The following RHBDD1 variants were observed in gnomAD, a reference collection of about 807,000 sequenced individuals.
RHBDD1 encodes rhomboid-related protein 4.
RHBDD1 carries 38 observed loss-of-function variants against 36.3 expected under a neutral mutation model. The ratio of observed to expected loss-of-function variants is 1.05; its 90% CI spans 0.81 to 1.37. The LOEUF is 1.37. Ranked by LOEUF, RHBDD1 falls within the 40% of genes most tolerant of loss-of-function variation. RHBDD1 has a pLI of 0.00. For synonymous variants in RHBDD1, 151 were observed against 136.5 expected, an observed-to-expected ratio of 1.11 and a Z score of -0.74; for missense variants, 393 against 377.6, an observed-to-expected ratio of 1.04 and a Z score of -0.34.
chr2:226,912,898 G>A lies in RHBDD1; in HGVS notation c.713-1310G>A, dbSNP rs573836816. ...TAAAGCTGTTCTAAAAATATCAATA[G>A]ACACAACTACTTTTCATGACCAATA... On this transcript the variant is annotated intron_variant, in intron 7 of 8. Coordinates refer to ENST00000392062, the MANE Select transcript of RHBDD1 (RefSeq NM_001167608.3). Among the ~76,000 whole-genome samples the A allele has an allele frequency of 2.6e-5, 4 of 152,238 alleles. No homozygotes were observed. In the East Asian group the frequency reaches 7.7e-4, roughly 29 times the overall value.
intron 8 of RHBDD1, among the ~76,000 whole-genome samples, chr2:226,916,502 C>T (rs1948919694): frequency 6.6e-6 from 1 of 152,088 alleles, no homozygotes; most frequent in African/African-American, 2.4e-5. Context: ...AACTTCTCAG[C>T]GTGGACTTCA....
At chr2:226,831,204 T>C (rs995089550), upstream of RHBDD1, among the ~76,000 whole-genome samples, 1 of 152,206 alleles carries the variant, frequency 6.6e-6, no homozygotes, top group African/African-American at 2.4e-5. Context: ...CTTCCTTAAA[T>C]ATTTGATGGA....
intron 8 of RHBDD1, among the ~76,000 whole-genome samples, chr2:226,949,954 T>C (rs888539178): frequency 6.6e-6 from 1 of 152,216 alleles, no homozygotes; most frequent in Non-Finnish European, 1.5e-5. Flanking sequence ...TGATCAAAAT[T>C]GTATCTGTTT....
At chr2:226,935,862 G>C (rs1950297538) in intron 8 of RHBDD1, among the ~76,000 whole-genome samples, 1 of 152,102 alleles carries the variant, frequency 6.6e-6, no homozygotes, top group South Asian at 2.1e-4. Flanking sequence ...TGTATTAGAT[G>C]GTAGTACCTT....
chr2:226,825,656 C>T, the RHBDD1 span, among the ~76,000 whole-genome samples: 1 of 152,134 alleles, frequency 6.6e-6, no homozygotes. Context: ...TGCAAACATG[C>T]ACGAGTAAAA....
intron 8 of RHBDD1, among the ~76,000 whole-genome samples, chr2:226,918,094 C>T (rs977319902): frequency 2.6e-5 from 4 of 151,958 alleles, no homozygotes; most frequent in African/African-American, 9.7e-5. Context: ...AATCCAAAGA[C>T]TTATAAGTGA....
intron 5 of RHBDD1, 145 bp from the exon 6 acceptor site, chr2:226,906,648 T>C: frequency 1.3e-6 from 2 of 1,507,030 alleles, no homozygotes; most frequent in Non-Finnish European, 1.8e-6. Context: ...TTGGACTGAG[T>C]TAAATGCTGC....
rs1957522139 is a variant in RHBDD1 at position 226,988,625 on chromosome 2, C to T, written c.857-6806C>T. The T allele has an allele frequency of 5.2e-6, 7 of 1,344,082 alleles. No individual in the cohort carries two copies. In the Admixed American group the frequency reaches 1.8e-4, roughly 34 times the overall value. 83.3% of individuals were successfully genotyped at this position (1,344,082 alleles called of 1,614,324 possible). A position where few individuals can be genotyped will look rare whatever the true frequency, so the allele number is the denominator to read the frequency against. On this transcript the variant is annotated intron_variant, in intron 8 of 8. Coordinates refer to ENST00000392062, the MANE Select transcript of RHBDD1 (RefSeq NM_001167608.3). The stretch of plus-strand genomic sequence containing the variant: ...CTCCAGCTGCCCCTCCGAGCAGACA[C>T]ATTGGCCCTGGAGCTTCTGAGAGGA...
intron 3 of RHBDD1, among the ~76,000 whole-genome samples, chr2:226,854,906 G>GT (rs1402140284): frequency 5.3e-5 from 8 of 152,176 alleles, no homozygotes; most frequent in African/African-American, 1.9e-4. Flanking sequence ...GGGGAAGAGT[G>GT]TAAGGTGATA....
At chr2:226,844,221 T>C (rs983804109) in intron 3 of RHBDD1, among the ~76,000 whole-genome samples, 3 of 152,218 alleles carry the variant, frequency 2.0e-5, no homozygotes, top group Admixed American at 1.3e-4. Flanking sequence ...TTATTCCAAC[T>C]TTGGTCACTA....
At chr2:226,937,650 G>A (rs886875514) in intron 8 of RHBDD1, among the ~76,000 whole-genome samples, 1 of 151,974 alleles carries the variant, frequency 6.6e-6, no homozygotes. Context: ...GTGTCCATGC[G>A]TTCTCATCAT....
intron 8 of RHBDD1, among the ~76,000 whole-genome samples, chr2:226,930,209 G>A (rs771778467): frequency 5.3e-5 from 8 of 151,758 alleles, no homozygotes; most frequent in South Asian, 2.1e-4. Context: ...AAAGCAGTCC[G>A]AAGCAAAAAG....
Position 226,995,682 on chromosome 2 carries a change from T to C in RHBDD1, c.*160T>C. 1 of 621,544 alleles carries C rather than the reference T, an allele frequency of 1.6e-6. No individual in the cohort carries two copies. Among genetic ancestry groups the C allele is most frequent in the Non-Finnish European group, 2.9e-6 (1 of 345,088 alleles). The allele number at this position is 621,544 out of a possible 1,614,324, so 38.5% of individuals were successfully genotyped here. A position where few individuals can be genotyped will look rare whatever the true frequency, so the allele number is the denominator to read the frequency against. On this transcript the variant is annotated 3_prime_UTR_variant, in exon 9 of 9. Transcript: ENST00000392062. ...ACCTGGGACAGTCCCATGGCCCCTATGAGTCAACTCACAGCTTGCGGGGAG... is the reference window on the plus strand; with the variant it reads ...ACCTGGGACAGTCCCATGGCCCCTACGAGTCAACTCACAGCTTGCGGGGAG...
At chr2:226,815,870 C>T in the RHBDD1 span, among the ~76,000 whole-genome samples, 1 of 152,150 alleles carries the variant, frequency 6.6e-6, no homozygotes, top group Non-Finnish European at 1.5e-5. Flanking sequence ...TTTTCTCTCT[C>T]TATTATAACA....
At chr2:226,976,846 C>G (rs1355199570) in intron 8 of RHBDD1, among the ~76,000 whole-genome samples, 1 of 152,210 alleles carries the variant, frequency 6.6e-6, no homozygotes. Flanking sequence ...CAATACTGCT[C>G]TGATATTTTT....
In RHBDD1 at chr2:226,964,132, A is replaced by G. The variant is rs1307869280; in HGVS notation, c.857-31299A>G. ...TCTTGAGAGAGAGAGGAAGAGAGCA[A>G]GTGAGTATGCAGTAACACACAGCAG... On this transcript the variant is annotated intron_variant, in intron 8 of 8. Coordinates refer to ENST00000392062, the MANE Select transcript of RHBDD1 (RefSeq NM_001167608.3). Among the ~76,000 whole-genome samples, 4 of 152,184 alleles carry G rather than the reference A, an allele frequency of 2.6e-5. No homozygotes were observed. In the East Asian group the frequency reaches 7.7e-4, roughly 29 times the overall value.
chr2:226,802,509 TAGAA>T, the RHBDD1 span, among the ~76,000 whole-genome samples: 1 of 152,236 alleles, frequency 6.6e-6, no homozygotes, highest in South Asian at 2.1e-4. Flanking sequence ...ATATATAGAA[TAGAA>T]AGAGACGCGT....
chr2:226,812,631 T>C, the RHBDD1 span, among the ~76,000 whole-genome samples: 1 of 151,386 alleles, frequency 6.6e-6, no homozygotes, highest in African/African-American at 2.4e-5. Flanking sequence ...GTATCATAGA[T>C]GTTCTCTCTC....
chr2:226,858,763 T>G (rs570329916), intron 3 of RHBDD1, among the ~76,000 whole-genome samples: 3 of 152,336 alleles, frequency 2.0e-5, no homozygotes, highest in South Asian at 4.1e-4. Context: ...ACATACCTGT[T>G]TAATTTTTAA....
Sources: gnomAD v4.1 joint callset for allele counts (sites outside exome capture counted in the v4.1 genomes callset) on GRCh38, gnomAD v4.1.1 for gene constraint, MANE v1.5 for transcripts, NCBI Gene and HGNC (gene_info 2026-07-23, HGNC 2026-07-21) for gene names.